PSD3: variants seen among roughly 807,000 people sequenced by gnomAD.
PSD3 encodes pleckstrin and Sec7 domain containing 3, also known as PH and SEC7 domain-containing protein 3.
PSD3 carries 49 observed loss-of-function variants against 105.5 expected under a neutral mutation model. The ratio of observed to expected loss-of-function variants is 0.46; its 90% CI spans 0.37 to 0.59. The LOEUF is 0.59. PSD3 is among the 20% of genes least tolerant of loss of function. The pLI is 0.00. For synonymous variants in PSD3, 557 were observed against 457.8 expected (o/e 1.22, Z -2.77); for missense variants, 1,561 against 1,263.8 (o/e 1.24, Z -3.57).
intron 1 of PSD3, among the ~76,000 whole-genome samples, chr8:18,949,443 G>T (rs952852220): frequency 6.6e-6 from 1 of 150,690 alleles, no homozygotes; most frequent in Non-Finnish European, 1.5e-5. Context: ...TGAAATCCAT[G>T]TTGTGATTTA....
chr8:18,595,103 G>C (rs1324342317), intron 12 of PSD3, among the ~76,000 whole-genome samples: 1 of 151,724 alleles, frequency 6.6e-6, no homozygotes, highest in Admixed American at 6.6e-5. Context: ...GAATACAAAA[G>C]GATATAATTT....
intron 11 of PSD3, 83 bp from the exon 12 acceptor site, chr8:18,600,517 G>A: frequency 6.1e-6 from 7 of 1,145,538 alleles, no homozygotes; most frequent in Non-Finnish European, 8.9e-6. Flanking sequence ...TGGTGACAGT[G>A]TTTCAATATT....
chr8:18,611,227 G>A (rs1280056945), intron 11 of PSD3, among the ~76,000 whole-genome samples: 1 of 149,980 alleles, frequency 6.7e-6, no homozygotes, highest in Admixed American at 6.7e-5. Flanking sequence ...TTTAAATGAG[G>A]GTGTAATTTA....
At chr8:18,776,324 A>G (rs112674957) in intron 8 of PSD3, among the ~76,000 whole-genome samples, 1 of 147,358 alleles carries the variant, frequency 6.8e-6, no homozygotes, top group Non-Finnish European at 1.5e-5. Context: ...AAATATATAT[A>G]AACTATATAA....
chr8:18,591,940 G>T (rs1278927765), intron 12 of PSD3, among the ~76,000 whole-genome samples: 3 of 152,128 alleles, frequency 2.0e-5, no homozygotes, highest in African/African-American at 7.2e-5. Flanking sequence ...GACTGGTGAG[G>T]GGCTTCTGCT....
intron 1 of PSD3, among the ~76,000 whole-genome samples, chr8:18,966,263 G>T (rs1049627939): frequency 3.9e-5 from 6 of 152,116 alleles, no homozygotes; most frequent in Non-Finnish European, 8.8e-5. Flanking sequence ...ACCTATACTA[G>T]GCTGTCAAAC....
chr8:18,544,914 C>A (rs73666679), intron 15 of PSD3, among the ~76,000 whole-genome samples: 1 of 152,106 alleles, frequency 6.6e-6, no homozygotes, highest in African/African-American at 2.4e-5. Flanking sequence ...CATCAGTAGA[C>A]GCTCCCCACC....
At chr8:18,654,024 A>C (rs1808711982) in intron 10 of PSD3, among the ~76,000 whole-genome samples, 2 of 152,326 alleles carry the variant, frequency 1.3e-5, no homozygotes, top group South Asian at 4.1e-4. Flanking sequence ...ATAAGCCTAA[A>C]GAAGAATGAT....
intron 4 of PSD3, among the ~76,000 whole-genome samples, chr8:18,842,464 T>A (rs1389804373): frequency 6.6e-6 from 1 of 152,218 alleles, no homozygotes. Flanking sequence ...CCGGGCGCGG[T>A]GGCTCACGCC....
intron 11 of PSD3, among the ~76,000 whole-genome samples, chr8:18,610,156 G>C (rs1035841790): frequency 3.3e-5 from 5 of 152,106 alleles, no homozygotes; most frequent in African/African-American, 1.2e-4. Context: ...ATTTTATAAA[G>C]GAAAAAAGTA....
chr8:18,924,148 T>C (rs189100654), intron 2 of PSD3, among the ~76,000 whole-genome samples: 1 of 152,260 alleles, frequency 6.6e-6, no homozygotes, highest in East Asian at 1.9e-4. Context: ...AGGTGGAACC[T>C]CTAACTTACT....
At position 19,051,947 on chromosome 8, in the gene PSD3, ATAC is replaced by A. The variant is rs1472472297; in HGVS notation, c.324+32256_324+32258del. Among the ~76,000 whole-genome samples the A allele has an allele frequency of 2.0e-5, 3 of 152,352 alleles. No homozygotes were observed. The East Asian group carries it at 5.8e-4, about 29-fold the overall frequency. ...AGGAATAGGAAAATATCTTCCACTG[ATAC>A]TACAAGAAAAAGAGAGGACAGATGT... On this transcript the variant is annotated intron_variant, in intron 1 of 1. Coordinates refer to the PSD3 transcript ENST00000521475.
exon 1 of PSD3, chr8:19,084,471 G>A (rs779766628): frequency 1.3e-5 from 6 of 453,518 alleles, no homozygotes; most frequent in South Asian, 9.3e-5. Flanking sequence ...ATCCTGGGTG[G>A]CAGAAGTGAC....
chr8:18,657,717 G>A (rs1563149407), intron 9 of PSD3, among the ~76,000 whole-genome samples: 2 of 152,168 alleles, frequency 1.3e-5, no homozygotes, highest in East Asian at 3.9e-4. Context: ...CCTTTTAAAT[G>A]AATTATATTA....
At position 18,527,516 on chromosome 8, in the gene PSD3, T is replaced by G. The variant is rs1341011064; in HGVS notation, c.*8227A>C. On this transcript the variant is annotated 3_prime_UTR_variant, in exon 16 of 16. Coordinates refer to ENST00000327040, the MANE Select transcript of PSD3 (RefSeq NM_015310.4). ...ATAAACATTTACACAATAAATGTAC[T>G]CTATATATCACAGCTTCTATACATA... 6.6e-6 allele frequency: 1 copy of G among 152,652 alleles called. No individual in the cohort carries two copies. The highest frequency in any genetic ancestry group is 2.4e-5 in the African/African-American group (1 of 41,460). The allele number at this position is 152,652 out of a possible 1,614,324, so 9.5% of individuals were successfully genotyped here.
chr8:18,752,554 A>AATATAT (rs1554489475), intron 9 of PSD3, among the ~76,000 whole-genome samples: 3 of 19,678 alleles, frequency 1.5e-4, no homozygotes, highest in African/African-American at 3.7e-4. Context: ...TATTATATAT[A>AATATAT]ATTATATATA....
intron 12 of PSD3, among the ~76,000 whole-genome samples, chr8:18,592,277 A>G (rs1166645335): frequency 1.3e-5 from 2 of 152,182 alleles, no homozygotes. Context: ...AGCAGAAAAC[A>G]AAGAAGAAAG....
intron 1 of PSD3, chr8:18,979,764 G>T (rs1825156210): frequency 5.9e-6 from 1 of 170,418 alleles, no homozygotes; most frequent in South Asian, 1.7e-4. Flanking sequence ...AGAAATTCTT[G>T]CTACAACTAA....
chr8:18,683,931 A>AT, intron 9 of PSD3: 1 of 762,024 alleles, frequency 1.3e-6, no homozygotes, highest in Non-Finnish European at 2.4e-6. Flanking sequence ...CACGCCAATC[A>AT]TTTTCGAAGG....
Sources: gnomAD v4.1 joint callset for allele counts (sites outside exome capture counted in the v4.1 genomes callset) on GRCh38, gnomAD v4.1.1 for gene constraint, MANE v1.5 for transcripts, NCBI Gene and HGNC (gene_info 2026-07-23, HGNC 2026-07-21) for gene names.